Variants in BUD13 observed in about 807,000 individuals in gnomAD.
The protein encoded by BUD13 is BUD13 homolog.
Under a neutral mutation model 62.5 loss-of-function variants are expected in BUD13, and 47 were observed. The observed-to-expected ratio is 0.75, with a 90% CI of 0.60 to 0.96. The LOEUF is 0.96. BUD13 is among the 40% of genes least tolerant of loss of function. BUD13 has a pLI of 0.00. For synonymous variants in BUD13, 293 were observed against 280.1 expected (o/e 1.05, Z -0.46); for missense variants, 821 against 790.9 (o/e 1.04, Z -0.46).
chr11:116,766,680 T>C lies in BUD13; in HGVS notation c.238-1234A>G, dbSNP rs553774065. 1.9e-3 allele frequency among the ~76,000 whole-genome samples: 283 copies of C among 152,358 alleles called. 1 individual carries two copies. The highest frequency in any genetic ancestry group is 2.6e-3 in the Non-Finnish European group (180 of 68,028). The stretch of plus-strand genomic sequence containing the variant: ...TTAGCCATGCTTGGTACATGATAAA[T>C]GCCCAATAAATGACACCTATTAATT... On this transcript the variant is annotated intron_variant, in intron 2 of 9. Transcript: ENST00000260210.
intron 1 of BUD13, 92 bp from the exon 2 acceptor site, chr11:116,770,314 T>TACAGG: frequency 9.5e-7 from 1 of 1,049,468 alleles, no homozygotes. Context: ...TTCAAAATCC[T>TACAGG]ACAGGATCCT....
chr11:116,770,260 G>C (rs1940600719), intron 1 of BUD13, 38 bp from the exon 2 acceptor site: 2 of 1,537,888 alleles, frequency 1.3e-6, no homozygotes. Context: ...AGTCATTCTA[G>C]GATACCAGCA....
At chr11:116,767,331 C>T (rs967454597) in intron 2 of BUD13, among the ~76,000 whole-genome samples, 6 of 151,066 alleles carry the variant, frequency 4.0e-5, no homozygotes, top group African/African-American at 9.7e-5. Flanking sequence ...CGGTGGCTCA[C>T]GTCTGTAATC....
chr11:116,759,843 T>C (rs1444148831), intron 5 of BUD13, among the ~76,000 whole-genome samples: 1 of 152,188 alleles, frequency 6.6e-6, no homozygotes, highest in Admixed American at 6.5e-5. Flanking sequence ...AACAGGCTGG[T>C]CTACCCTGCC....
At chr11:116,772,749 C>G (rs578205892) in intron 1 of BUD13, 73 bp downstream of exon 1, 2 of 1,426,370 alleles carry the variant, frequency 1.4e-6, no homozygotes. Flanking sequence ...AAGGAACTGC[C>G]GGGCGGCCGA....
chr11:116,748,264 C>T lies in BUD13; in HGVS notation c.*218G>A. ...GGTCAATGAGAAATCAATGCTTCCT[C>T]TGAAAGCCAGCAACAGCCGGTGCTG... On this transcript the variant is annotated 3_prime_UTR_variant, in exon 10 of 10. Coordinates refer to ENST00000260210, the MANE Select transcript of BUD13 (RefSeq NM_032725.4). 1 of 490,682 alleles carries T rather than the reference C, an allele frequency of 2.0e-6. No individual in the cohort carries two copies. The highest frequency in any genetic ancestry group is 3.6e-6 in the Non-Finnish European group (1 of 276,486). The allele number at this position is 490,682 out of a possible 1,614,324, so 30.4% of individuals were successfully genotyped here.
At chr11:116,763,324 C>T in intron 3 of BUD13, 58 bp from the exon 4 acceptor site, 1 of 1,450,776 alleles carries the variant, frequency 6.9e-7, no homozygotes. Context: ...TCTGTCCACC[C>T]CCACACCCAG....
At chr11:116,762,523 C>T (rs769738448) in intron 4 of BUD13, 30 bp downstream of exon 4, 1 of 1,492,106 alleles carries the variant, frequency 6.7e-7, no homozygotes, top group Non-Finnish European at 9.1e-7. Flanking sequence ...GGGATACATA[C>T]ATCCCTCTCA....
Position 116,748,248 on chromosome 11 carries a change from GA to G in BUD13, c.*233del. On this transcript the variant is annotated 3_prime_UTR_variant, in exon 10 of 10. Transcript: ENST00000260210. ...ACCAAGAACAAACCCTGGTCAATGA[GA>G]AATCAATGCTTCCTCTGAAAGCCAG... The G allele has an allele frequency of 2.1e-6, 1 of 473,616 alleles. No homozygotes were observed. The highest frequency in any genetic ancestry group is 3.9e-5 in the Admixed American group (1 of 25,968). The allele number at this position is 473,616 out of a possible 1,614,324, so 29.3% of individuals were successfully genotyped here.
chr11:116,760,541 T>C (rs1406921192), intron 5 of BUD13, among the ~76,000 whole-genome samples, 194 bp downstream of exon 5: 3 of 152,236 alleles, frequency 2.0e-5, no homozygotes, highest in Non-Finnish European at 4.4e-5. Context: ...AAATCTGGTA[T>C]CTGTAAGTCC....
At chr11:116,768,627 C>T (rs940407308) in intron 2 of BUD13, among the ~76,000 whole-genome samples, 9 of 151,868 alleles carry the variant, frequency 5.9e-5, no homozygotes, top group African/African-American at 2.2e-4. Flanking sequence ...CTTCTTCTGA[C>T]CAAAACTAAA....
chr11:116,748,371 G>T lies in BUD13; in HGVS notation c.*111C>A. On this transcript the variant is annotated 3_prime_UTR_variant, in exon 10 of 10. Coordinates refer to ENST00000260210, the MANE Select transcript of BUD13 (RefSeq NM_032725.4). ...TGTGGTCAAAACTGGCATTCAACAA[G>T]TTGCTGGTCTGTGTGGGCTCCAATT... 1.1e-6 allele frequency: 1 copy of T among 908,188 alleles called. No homozygotes were observed. The highest frequency in any genetic ancestry group is 1.7e-6 in the Non-Finnish European group (1 of 574,464). The allele number at this position is 908,188 out of a possible 1,614,324, so 56.3% of individuals were successfully genotyped here.
intron 9 of BUD13, among the ~76,000 whole-genome samples, chr11:116,756,405 G>A (rs61905111): frequency 2.0e-5 from 3 of 151,960 alleles, no homozygotes; most frequent in Admixed American, 6.6e-5. Flanking sequence ...CCAGCTACTC[G>A]GGAGGCTAGG....
chr11:116,772,682 T>G (rs750205965), intron 1 of BUD13, 140 bp downstream of exon 1: 5 of 1,206,074 alleles, frequency 4.1e-6, no homozygotes, highest in South Asian at 1.7e-5. Flanking sequence ...GCGATGTGAG[T>G]GGGGCCCTGA....
chr11:116,762,038 ACATT>A lies in BUD13; in HGVS notation c.1036+511_1036+514del, dbSNP rs1035660793. 2.1e-4 allele frequency among the ~76,000 whole-genome samples: 32 copies of A among 152,330 alleles called. 1 individual carries two copies. Among genetic ancestry groups the A allele is most frequent in the African/African-American group, 5.3e-4 (22 of 41,564 alleles). On this transcript the variant is annotated intron_variant, in intron 4 of 9. Transcript: ENST00000260210. ...AGAAAAAACTTAGAAATAACCAAAA[ACATT>A]CATTATTAGGAAAATGGTTAAATTT...
chr11:116,771,590 C>G (rs1940629664), intron 1 of BUD13, among the ~76,000 whole-genome samples: 2 of 152,134 alleles, frequency 1.3e-5, no homozygotes, highest in Admixed American at 1.3e-4. Context: ...ACACCTTGCC[C>G]AAGGGTACAC....
intron 5 of BUD13, among the ~76,000 whole-genome samples, chr11:116,760,459 T>C (rs1356714724): frequency 1.3e-5 from 2 of 152,164 alleles, no homozygotes; most frequent in Admixed American, 6.5e-5. Flanking sequence ...CCTAAGAAAA[T>C]AGGAAGTTTT....
At position 116,763,057 on chromosome 11, in the gene BUD13, T is replaced by C. The variant is rs1230316130; in HGVS notation, c.532A>G (p.Arg178Gly). Residue 178 changes from arginine to glycine, a missense_variant, in exon 4 of 10, where the codon AGG becomes GGG. Arg to Gly is a moderately radical substitution (Grantham distance 125). Coordinates refer to ENST00000260210, the MANE Select transcript of BUD13 (RefSeq NM_032725.4). ...ARHDSDTSPP[R>G]RIRHDSSDTS... Reference sequence around the variant, plus strand: ...TCTGAGGAGTCATGACGGATCCTCCTGGGAGGAGATGTGTCTGAGTCATGA... The same window carrying C: ...TCTGAGGAGTCATGACGGATCCTCCCGGGAGGAGATGTGTCTGAGTCATGA... The C allele has an allele frequency of 6.2e-7, 1 of 1,612,318 alleles. No individual in the cohort carries two copies. Among genetic ancestry groups the C allele is most frequent in the Non-Finnish European group, 8.5e-7 (1 of 1,179,456 alleles).
intron 3 of BUD13, among the ~76,000 whole-genome samples, chr11:116,764,030 T>C (rs1029417158): frequency 2.0e-5 from 3 of 152,256 alleles, no homozygotes; most frequent in African/African-American, 4.8e-5. Flanking sequence ...GCCAAAGTCA[T>C]ATTGCTAATA....
Sources: allele counts gnomAD v4.1 joint callset (sites outside exome capture counted in the v4.1 genomes callset), GRCh38; gene constraint gnomAD v4.1.1; transcripts MANE v1.5; gene names NCBI Gene and HGNC (gene_info 2026-07-23, HGNC 2026-07-21).